The following ABRAXAS2 variants were observed in gnomAD, a reference collection of about 807,000 sequenced individuals.
The protein encoded by ABRAXAS2 is BRISC complex subunit Abraxas 2.
ABRAXAS2 carries 23 observed loss-of-function variants against 49.0 expected under a neutral mutation model. The ratio of observed to expected loss-of-function variants is 0.47; its 90% CI spans 0.34 to 0.66. The LOEUF (loss-of-function observed/expected upper bound fraction) is 0.66. Among genes scored for constraint, ABRAXAS2 ranks in the 30% least tolerant of loss-of-function variants. The probability of loss-of-function intolerance (pLI) is 0.01; values close to 1 mark genes in which losing one functional copy is unlikely to be tolerated. For synonymous variants in ABRAXAS2, 168 were observed against 180.2 expected (o/e 0.93, Z 0.54); for missense variants, 443 against 511.9 (o/e 0.87, Z 1.30).
At chr10:124,804,199 G>A in intron 1 of ABRAXAS2, among the ~76,000 whole-genome samples, 1 of 152,162 alleles carries the variant, frequency 6.6e-6, no homozygotes, top group Non-Finnish European at 1.5e-5. Flanking sequence ...CACCGCATCT[G>A]ACCTAGAATT....
chr10:124,831,302 C>G (rs1374775068), intron 7 of ABRAXAS2, 47 bp from the exon 8 acceptor site: 3 of 1,160,322 alleles, frequency 2.6e-6, no homozygotes, highest in Non-Finnish European at 2.6e-6. Flanking sequence ...TATGGAATGC[C>G]TTGTGCTTGA....
chr10:124,808,647 C>T (rs1028446812), intron 2 of ABRAXAS2, among the ~76,000 whole-genome samples: 7 of 152,090 alleles, frequency 4.6e-5, no homozygotes, highest in African/African-American at 1.7e-4. Flanking sequence ...AGAAAATCCC[C>T]GAACTGCCCA....
intron 2 of ABRAXAS2, 116 bp from the exon 3 acceptor site, chr10:124,816,460 G>A: frequency 2.8e-6 from 2 of 705,108 alleles, no homozygotes; most frequent in Non-Finnish European, 4.9e-6. Context: ...TTTGGCAGAG[G>A]GAAAAGCTGT....
At chr10:124,826,415 C>T (rs895473755) in intron 4 of ABRAXAS2, among the ~76,000 whole-genome samples, 180 bp from the exon 5 acceptor site, 14 of 152,152 alleles carry the variant, frequency 9.2e-5, no homozygotes, top group African/African-American at 3.4e-4. Context: ...AGTAGGATTC[C>T]AGCATATGCC....
intron 2 of ABRAXAS2, among the ~76,000 whole-genome samples, chr10:124,812,334 T>C (rs750654675): frequency 1.3e-5 from 2 of 152,216 alleles, no homozygotes; most frequent in Non-Finnish European, 2.9e-5. Context: ...AATGTGTTGT[T>C]CCCATTGTAA....
chr10:124,807,470 T>A (rs565012457), intron 2 of ABRAXAS2, among the ~76,000 whole-genome samples: 1 of 147,984 alleles, frequency 6.8e-6, no homozygotes, highest in Non-Finnish European at 1.5e-5. Flanking sequence ...CTGGCCCACA[T>A]GGTGAAACCC....
intron 1 of ABRAXAS2, among the ~76,000 whole-genome samples, chr10:124,805,634 AAATATGT>A (rs1425007153): frequency 6.6e-6 from 1 of 152,206 alleles, no homozygotes; most frequent in Non-Finnish European, 1.5e-5. Flanking sequence ...ATTTATTTAT[AAATATGT>A]AATATGATGG....
chr10:124,810,143 G>C (rs769124000), intron 2 of ABRAXAS2, among the ~76,000 whole-genome samples: 11 of 152,080 alleles, frequency 7.2e-5, no homozygotes, highest in Non-Finnish European at 1.2e-4. Flanking sequence ...CTTCCAATGT[G>C]GCCCAGGGAA....
At chr10:124,831,488 T>C (rs757270314) in intron 8 of ABRAXAS2, 25 bp downstream of exon 8, 1 of 1,269,310 alleles carries the variant, frequency 7.9e-7, no homozygotes, top group Non-Finnish European at 1.1e-6. Context: ...AATTTTACCA[T>C]TCAGTATCAG....
chr10:124,836,332 G>GTCT lies in ABRAXAS2; in HGVS notation c.*1361_*1362insTCT, dbSNP rs1950968176. 1 of 152,164 alleles carries GTCT rather than the reference G, an allele frequency of 6.6e-6. No individual in the cohort carries two copies. Among genetic ancestry groups the GTCT allele is most frequent in the Non-Finnish European group, 1.5e-5 (1 of 68,040 alleles). 9.4% of individuals were successfully genotyped at this position (152,164 alleles called of 1,614,324 possible). On this transcript the variant is annotated 3_prime_UTR_variant, in exon 9 of 9. Coordinates refer to ENST00000298492, the MANE Select transcript of ABRAXAS2 (RefSeq NM_032182.4). ...TAAATTAGACAGTATCATATAGACG[G>GTCT]AAAATGAAATGCTAGAACTGCCGTT... is the stretch of plus-strand genomic sequence containing the variant.
At chr10:124,830,011 G>A (rs937909740) in intron 7 of ABRAXAS2, among the ~76,000 whole-genome samples, 4 of 152,116 alleles carry the variant, frequency 2.6e-5, no homozygotes, top group African/African-American at 7.2e-5. Flanking sequence ...CATTCTTTTC[G>A]TCATCCCCGC....
intron 7 of ABRAXAS2, among the ~76,000 whole-genome samples, chr10:124,829,694 C>G (rs1224259129): frequency 6.6e-6 from 1 of 152,198 alleles, no homozygotes; most frequent in South Asian, 2.1e-4. Flanking sequence ...ATTGTTAATA[C>G]TACTGTTTCA....
chr10:124,823,244 T>G (rs1028939063), intron 4 of ABRAXAS2, among the ~76,000 whole-genome samples: 4 of 152,198 alleles, frequency 2.6e-5, no homozygotes, highest in Non-Finnish European at 4.4e-5. Flanking sequence ...TTTATAATTC[T>G]TGTTTGGATT....
chr10:124,817,069 T>G (rs1430644626), intron 3 of ABRAXAS2, among the ~76,000 whole-genome samples: 1 of 152,166 alleles, frequency 6.6e-6, no homozygotes, highest in African/African-American at 2.4e-5. Context: ...CCTATCTATA[T>G]GTACTATGGT....
At chr10:124,824,534 C>CAAAAAAAAAA (rs531680713) in intron 4 of ABRAXAS2, among the ~76,000 whole-genome samples, 3 of 78,186 alleles carry the variant, frequency 3.8e-5, no homozygotes, top group Admixed American at 1.2e-4. Context: ...TCTCAAAAAC[C>CAAAAAAAAAA]AAAAAAAAAA....
chr10:124,812,305 G>A (rs1361526404), intron 2 of ABRAXAS2, among the ~76,000 whole-genome samples: 3 of 152,022 alleles, frequency 2.0e-5, no homozygotes, highest in Non-Finnish European at 4.4e-5. Flanking sequence ...TGGACAAAAC[G>A]TTTACTAGTA....
chr10:124,828,450 C>T (rs756925732), intron 5 of ABRAXAS2, among the ~76,000 whole-genome samples: 2 of 152,116 alleles, frequency 1.3e-5, no homozygotes, highest in African/African-American at 4.8e-5. Flanking sequence ...TTGCAACCTC[C>T]GCCTCCTGGG....
In ABRAXAS2 at chr10:124,806,899, C is replaced by G; in HGVS notation, c.141C>G (p.Asn47Lys). The G allele has an allele frequency of 1.9e-6, 3 of 1,610,464 alleles. No individual in the cohort carries two copies. Among genetic ancestry groups the G allele is most frequent in the Non-Finnish European group, 2.5e-6 (3 of 1,177,628 alleles). ...TFSISDSQIS[N>K]TEFLQVIEIH... ...GCATCAGTGACTCACAAATCAGCAA[C>G]ACAGAATTTCTGCAAGTAATTGGTA... The change falls in exon 2 of 9, where the codon AAC becomes AAG. Residue 47 changes from asparagine to lysine, a missense_variant. Physicochemically the swap from Asn to Lys is moderately conservative, Grantham distance 94. This residue lies in a region of ABRAXAS2 where 166 missense variants were observed against 247.3 expected (regional missense o/e 0.67). Coordinates refer to ENST00000298492, the MANE Select transcript of ABRAXAS2 (RefSeq NM_032182.4).
At position 124,834,750 on chromosome 10, in the gene ABRAXAS2, G is replaced by C; in HGVS notation, c.1027G>C (p.Ala343Pro). Residue 343 changes from alanine (A) to proline (P), a missense_variant, in exon 9 of 9, where the codon GCT becomes CCT. By Grantham distance (27) the Ala-to-Pro change is conservative. Around this residue, in one of 3 missense-constraint regions of ABRAXAS2, gnomAD observed 230 missense variants for 237.0 expected, o/e 0.97. Transcript: ENST00000298492. ...RPQAVGSSNY[A>P]STSAGLKYPG... ...TCAAGCTGTGGGCTCTTCCAATTAT[G>C]CTTCCACCAGTGCCGGACTGAAGTA... 1 of 1,614,134 alleles carries C rather than the reference G, an allele frequency of 6.2e-7. No individual in the cohort carries two copies. Among genetic ancestry groups the C allele is most frequent in the Non-Finnish European group, 8.5e-7 (1 of 1,180,028 alleles).
Sources: gnomAD v4.1 joint callset for allele counts (sites outside exome capture counted in the v4.1 genomes callset) on GRCh38, gnomAD v4.1.1 for gene constraint, gnomAD v4.1.1 regional missense constraint, MANE v1.5 for transcripts, NCBI Gene and HGNC (gene_info 2026-07-23, HGNC 2026-07-21) for gene names.